Variants in NT5DC3 observed in about 807,000 individuals in gnomAD.
The protein encoded by NT5DC3 is 5'-nucleotidase domain containing 3.
In NT5DC3, 42 loss-of-function variants were observed where a neutral mutation model predicts 67.8. That is an observed-to-expected ratio of 0.62 (90% CI 0.48 to 0.80). NT5DC3 has a LOEUF of 0.80. Ranked by LOEUF, NT5DC3 falls within the 30% of genes least tolerant of loss-of-function variation. The probability of loss-of-function intolerance (pLI) is 0.00; values close to 1 mark genes in which losing one functional copy is unlikely to be tolerated. For synonymous variants in NT5DC3, 237 were observed against 255.6 expected, an observed-to-expected ratio of 0.93 and a Z score of 0.69; for missense variants, 570 against 696.4, an observed-to-expected ratio of 0.82 and a Z score of 2.04.
intron 4 of NT5DC3, among the ~76,000 whole-genome samples, chr12:103,803,930 G>C (rs186219922): frequency 2.6e-5 from 4 of 151,392 alleles, no homozygotes; most frequent in Admixed American, 6.6e-5. Context: ...CACACAGCAT[G>C]GTGGCCAAGA....
chr12:103,831,540 G>GA (rs1261480929), intron 1 of NT5DC3, among the ~76,000 whole-genome samples: 55 of 152,160 alleles, frequency 3.6e-4, no homozygotes, highest in African/African-American at 1.3e-3. Context: ...CCCACACACA[G>GA]AAAAAATATC....
intron 1 of NT5DC3, among the ~76,000 whole-genome samples, chr12:103,839,002 G>T (rs1216572857): frequency 6.6e-6 from 1 of 152,158 alleles, no homozygotes; most frequent in Non-Finnish European, 1.5e-5. Context: ...ACCGAATGAG[G>T]GATCTTTATG....
chr12:103,835,285 C>A (rs1027757404), intron 1 of NT5DC3, among the ~76,000 whole-genome samples: 25 of 152,112 alleles, frequency 1.6e-4, no homozygotes, highest in Admixed American at 1.6e-3. Context: ...TGGTGCAGTT[C>A]TGGACAAGAC....
chr12:103,798,742 G>A, intron 4 of NT5DC3, 65 bp from the exon 5 acceptor site: 2 of 1,168,524 alleles, frequency 1.7e-6, no homozygotes, highest in Non-Finnish European at 2.5e-6. Context: ...TCACACCCCT[G>A]TGCAGTGCTG....
chr12:103,836,722 G>A lies in NT5DC3; in HGVS notation c.208+4227C>T, dbSNP rs185484873. ...TGTGAATGTTTATGCATCCTGTATC[G>A]GCATGACATCCAGGTCACACTGATG... On this transcript the variant is annotated intron_variant, in intron 1 of 13. Transcript: ENST00000392876. Among the ~76,000 whole-genome samples, 5 of 152,114 alleles carry A rather than the reference G, an allele frequency of 3.3e-5. 1 individual carries two copies. The highest frequency in any genetic ancestry group is 2.1e-4 in the South Asian group (1 of 4,816).
downstream of NT5DC3, chr12:103,765,951 G>A (rs1249000601): frequency 5.0e-6 from 2 of 402,458 alleles, no homozygotes; most frequent in African/African-American, 4.1e-5. Flanking sequence ...CCTTTTGTGA[G>A]GTGCTTATAC....
intron 1 of NT5DC3, among the ~76,000 whole-genome samples, chr12:103,837,270 A>G (rs755706361): frequency 6.6e-6 from 1 of 152,300 alleles, no homozygotes; most frequent in South Asian, 2.1e-4. Flanking sequence ...GGCCCAGCCC[A>G]CTAAACCACT....
At chr12:103,749,246 C>CT in the NT5DC3 span, 2 of 1,339,068 alleles carry the variant, frequency 1.5e-6, no homozygotes, top group South Asian at 3.3e-5. Flanking sequence ...TGCTTATCTC[C>CT]TGGACTCTTC....
chr12:103,775,801 T>C lies in NT5DC3; in HGVS notation c.*2028A>G, dbSNP rs556761206. The C allele has an allele frequency of 2.0e-5, 3 of 152,330 alleles. No homozygotes were observed. In the South Asian group the frequency reaches 6.2e-4, roughly 32 times the overall value. The allele number at this position is 152,330 out of a possible 1,614,324, so 9.4% of individuals were successfully genotyped here. The stretch of plus-strand genomic sequence containing the variant: ...AATACAGCCAAATATCACAAGTACA[T>C]TCCAACTATAACAAGCAGCATTACA... On this transcript the variant is annotated 3_prime_UTR_variant, in exon 14 of 14. Coordinates refer to ENST00000392876, the MANE Select transcript of NT5DC3 (RefSeq NM_001031701.3).
At chr12:103,764,929 G>A in the NT5DC3 span, among the ~76,000 whole-genome samples, 1 of 115,878 alleles carries the variant, frequency 8.6e-6, no homozygotes, top group Non-Finnish European at 1.9e-5. Flanking sequence ...GAAATCCCAT[G>A]TCTACTAAAT....
chr12:103,759,134 C>T, the NT5DC3 span: 1 of 1,614,028 alleles, frequency 6.2e-7, no homozygotes, highest in Non-Finnish European at 8.5e-7. Context: ...TTTTCTCAGA[C>T]CTTGTCTGGG....
chr12:103,834,784 C>CTTCA (rs1888074858), intron 1 of NT5DC3, among the ~76,000 whole-genome samples: 4 of 152,158 alleles, frequency 2.6e-5, no homozygotes, highest in Non-Finnish European at 5.9e-5. Flanking sequence ...CCTGTGCAGG[C>CTTCA]TTCACTCTGG....
chr12:103,807,904 A>C (rs12830701), intron 2 of NT5DC3, among the ~76,000 whole-genome samples: 39,857 of 152,112 alleles, frequency 0.26, 5,819 homozygotes, highest in East Asian at 0.59. Context: ...GGCTCCCCAG[A>C]CACATGGAAC....
intron 1 of NT5DC3, among the ~76,000 whole-genome samples, chr12:103,815,542 T>C (rs1382531326): frequency 6.6e-6 from 1 of 152,006 alleles, no homozygotes; most frequent in Non-Finnish European, 1.5e-5. Flanking sequence ...CCAACTCAGC[T>C]TCCTGAGTTG....
At chr12:103,789,047 C>T (rs1885922270) in intron 9 of NT5DC3, 128 bp from the exon 10 acceptor site, 3 of 685,842 alleles carry the variant, frequency 4.4e-6, no homozygotes, top group Non-Finnish European at 7.9e-6. Flanking sequence ...GAAACCAAAA[C>T]TCCACCATCA....
downstream of NT5DC3, among the ~76,000 whole-genome samples, chr12:103,768,576 GGGGAGGGGGA>G (rs1566092075): frequency 6.8e-3 from 1 of 146 alleles, no homozygotes; most frequent in Non-Finnish European, 0.016. Flanking sequence ...AGAGAGGGAG[GGGGAGGGGGA>G]GGGAGGGAGA....
In NT5DC3 at chr12:103,772,496, G is replaced by A. The variant is rs1436842328; in HGVS notation, c.*5333C>T. ...AACTGGAAAAGTCTCCAAAGTCAGA[G>A]TTCAAACCTGCAGGACTGAAAACAC... On this transcript the variant is annotated 3_prime_UTR_variant, in exon 14 of 14. Coordinates refer to ENST00000392876, the MANE Select transcript of NT5DC3 (RefSeq NM_001031701.3). The A allele has an allele frequency of 6.6e-6, 1 of 152,292 alleles. No homozygotes were observed. The highest frequency in any genetic ancestry group is 1.5e-5 in the Non-Finnish European group (1 of 68,046). The allele number at this position is 152,292 out of a possible 1,614,324, so 9.4% of individuals were successfully genotyped here.
At chr12:103,840,902 C>A in intron 1 of NT5DC3, 47 bp downstream of exon 1, 1 of 1,192,818 alleles carries the variant, frequency 8.4e-7, no homozygotes, top group South Asian at 2.1e-5. Flanking sequence ...CAGCTGAGCG[C>A]GCAGGAGGGG....
chr12:103,769,160 T>C (rs1356086880), downstream of NT5DC3, among the ~76,000 whole-genome samples: 1 of 152,116 alleles, frequency 6.6e-6, no homozygotes, highest in Non-Finnish European at 1.5e-5. Context: ...AGATGCCACA[T>C]TCCACTGGCA....
Sources: gnomAD v4.1 joint callset for allele counts (sites outside exome capture counted in the v4.1 genomes callset) on GRCh38, gnomAD v4.1.1 for gene constraint, MANE v1.5 for transcripts, NCBI Gene and HGNC (gene_info 2026-07-23, HGNC 2026-07-21) for gene names.